The following CHCHD6 variants were observed in gnomAD, a reference collection of about 807,000 sequenced individuals.
The protein encoded by CHCHD6 is MICOS complex subunit MIC25.
CHCHD6 carries 28 observed loss-of-function variants against 32.3 expected under a neutral mutation model. The ratio of observed to expected loss-of-function variants is 0.87; its 90% CI spans 0.64 to 1.19. The LOEUF is 1.19. CHCHD6 is among the 50% of genes most tolerant of loss of function. The pLI is 0.00. For missense variants in CHCHD6, 333 were observed against 307.0 expected (o/e 1.08, Z -0.63); for synonymous variants, 122 against 117.5 (o/e 1.04, Z -0.25).
chr3:126,939,575 C>T lies in CHCHD6; in HGVS notation c.567-17841C>T, dbSNP rs73209638. On this transcript the variant is annotated intron_variant, in intron 6 of 7. Coordinates refer to ENST00000290913, the MANE Select transcript of CHCHD6 (RefSeq NM_032343.3). ...AGCAAAGAAGAATGCCTGTAGATGG[C>T]GTCTGCCATGCAGCCACTGGCTTTG... is the stretch of plus-strand genomic sequence containing the variant. Among the ~76,000 whole-genome samples the T allele has an allele frequency of 7.3e-3, 1,105 of 152,330 alleles. 7 individuals carry two copies. The highest frequency in any genetic ancestry group is 0.012 in the Non-Finnish European group (813 of 68,036).
intron 1 of CHCHD6, among the ~76,000 whole-genome samples, chr3:126,706,961 G>A (rs959523296): frequency 6.6e-6 from 1 of 152,036 alleles, no homozygotes; most frequent in Non-Finnish European, 1.5e-5. Flanking sequence ...AAGTGTTCTC[G>A]TCCCTGTAAG....
intron 4 of CHCHD6, among the ~76,000 whole-genome samples, chr3:126,787,013 G>T (rs1320551156): frequency 8.5e-5 from 13 of 152,308 alleles, no homozygotes; most frequent in South Asian, 2.1e-4. Flanking sequence ...AAGGTGTAAG[G>T]AAAGGATCCA....
intron 5 of CHCHD6, among the ~76,000 whole-genome samples, chr3:126,901,191 T>TACTG (rs1397661565): frequency 6.6e-6 from 1 of 152,230 alleles, no homozygotes; most frequent in African/African-American, 2.4e-5. Flanking sequence ...CTGACTAACT[T>TACTG]ACTGACTGAG....
intron 5 of CHCHD6, among the ~76,000 whole-genome samples, chr3:126,863,421 C>T (rs1292925394): frequency 7.1e-6 from 1 of 141,642 alleles, no homozygotes; most frequent in South Asian, 2.4e-4. Context: ...CCATCATCAC[C>T]TCCTCCTCCT....
intron 5 of CHCHD6, among the ~76,000 whole-genome samples, chr3:126,904,518 G>A (rs901405451): frequency 8.5e-5 from 13 of 152,154 alleles, no homozygotes; most frequent in African/African-American, 1.2e-4. Context: ...ACAGCTATAC[G>A]CTTATCTGTT....
At chr3:126,825,854 G>A (rs1351958852) in intron 4 of CHCHD6, among the ~76,000 whole-genome samples, 2 of 152,024 alleles carry the variant, frequency 1.3e-5, no homozygotes, top group African/African-American at 4.8e-5. Flanking sequence ...ACAACCTGTG[G>A]GTTACCATTT....
Position 126,781,628 on chromosome 3 carries a change from A to G in CHCHD6, c.411+48406A>G, listed in dbSNP as rs185186988. On this transcript the variant is annotated intron_variant, in intron 4 of 7. Transcript: ENST00000290913. Reference sequence around the variant, plus strand: ...CAAGGGCTGCCTTCAGTCTGTAGAAAGATGCTGATCTGGAGAAGATGCTGC... The same window carrying G: ...CAAGGGCTGCCTTCAGTCTGTAGAAGGATGCTGATCTGGAGAAGATGCTGC... Among the ~76,000 whole-genome samples the G allele has an allele frequency of 8.6e-4, 131 of 152,336 alleles. 2 individuals are homozygous for G. The highest frequency in any genetic ancestry group is 8.5e-3 in the Admixed American group (130 of 15,306).
intron 5 of CHCHD6, 71 bp downstream of exon 5, chr3:126,852,801 C>A: frequency 2.8e-6 from 3 of 1,064,310 alleles, no homozygotes; most frequent in Non-Finnish European, 4.3e-6. Flanking sequence ...ACATCACTGT[C>A]ATGGGGGGAG....
intron 4 of CHCHD6, among the ~76,000 whole-genome samples, chr3:126,737,275 C>T (rs1276804915): frequency 4.0e-5 from 6 of 151,758 alleles, no homozygotes; most frequent in African/African-American, 9.7e-5. Context: ...AGCTGAATCG[C>T]GCCATTGCAC....
intron 4 of CHCHD6, among the ~76,000 whole-genome samples, chr3:126,838,248 A>T (rs929086832): frequency 2.6e-5 from 4 of 152,182 alleles, no homozygotes; most frequent in Non-Finnish European, 1.5e-5. Flanking sequence ...ACTCTTGGAA[A>T]ATTTGTATCG....
rs1453600794 is a variant in CHCHD6, at chr3:126,718,245, C to T, written c.88-8833C>T. ...GCTAACTGTTGTTATTATTGATCAA[C>T]TCATGTATTTTTATGTACCCAATAT... is the stretch of plus-strand genomic sequence containing the variant. On this transcript the variant is annotated intron_variant, in intron 1 of 7. Transcript: ENST00000290913. Among the ~76,000 whole-genome samples the T allele has an allele frequency of 2.0e-5, 3 of 152,164 alleles. No homozygotes were observed. In the East Asian group the frequency reaches 5.8e-4, roughly 29 times the overall value.
At chr3:126,921,223 A>G (rs1485000353) in intron 6 of CHCHD6, among the ~76,000 whole-genome samples, 4 of 152,166 alleles carry the variant, frequency 2.6e-5, no homozygotes, top group Non-Finnish European at 5.9e-5. Context: ...CAAGCCCAGC[A>G]TATGTCAAGA....
Position 126,733,093 on chromosome 3 carries a change from T to A in CHCHD6, c.282T>A (p.His94Gln). Residue 94 changes from histidine to glutamine, a missense_variant, in exon 4 of 8, where the codon CAT becomes CAA. Coordinates refer to ENST00000290913, the MANE Select transcript of CHCHD6 (RefSeq NM_032343.3). The part of the protein sequence containing the change: ...KEGVKRYEQE[H>Q]AAIQDKLFQV... ...TTCTGCACAGGTATGAACAGGAGCA[T>A]GCTGCTATCCAGGATAAGCTCTTCC... The A allele has an allele frequency of 6.2e-7, 1 of 1,614,210 alleles. No homozygotes were observed. Among genetic ancestry groups the A allele is most frequent in the East Asian group, 2.2e-5 (1 of 44,888 alleles).
rs184720411 is a variant in CHCHD6 at position 126,774,139 on chromosome 3, A to G, written c.411+40917A>G. 1.3e-3 allele frequency among the ~76,000 whole-genome samples: 204 copies of G among 152,328 alleles called. 1 individual carries two copies. Among genetic ancestry groups the G allele is most frequent in the African/African-American group, 4.8e-3 (198 of 41,580 alleles). On this transcript the variant is annotated intron_variant, in intron 4 of 7. Coordinates refer to ENST00000290913, the MANE Select transcript of CHCHD6 (RefSeq NM_032343.3). The stretch of plus-strand genomic sequence containing the variant: ...AGATATTTTAATAGCATATTTTAAA[A>G]TATAACTTATTGAGGTTTAATGTAT...
intron 4 of CHCHD6, among the ~76,000 whole-genome samples, chr3:126,805,637 T>C (rs904188062): frequency 3.0e-4 from 46 of 152,200 alleles, no homozygotes; most frequent in African/African-American, 1.0e-3. Context: ...CAAGGTAATT[T>C]ATAGATTCAA....
intron 4 of CHCHD6, chr3:126,766,889 C>T: frequency 1.0e-6 from 1 of 1,001,612 alleles, no homozygotes; most frequent in Non-Finnish European, 1.6e-6. Flanking sequence ...GGGACCATCT[C>T]ATCCTGCTCT....
chr3:126,710,181 C>T (rs1014254128), intron 1 of CHCHD6, among the ~76,000 whole-genome samples: 29 of 152,350 alleles, frequency 1.9e-4, no homozygotes, highest in Admixed American at 1.0e-3. Flanking sequence ...CTTATTTCTC[C>T]AGGCTCTGTT....
intron 5 of CHCHD6, among the ~76,000 whole-genome samples, chr3:126,908,964 A>G (rs1056579613): frequency 6.6e-6 from 1 of 152,192 alleles, no homozygotes; most frequent in African/African-American, 2.4e-5. Flanking sequence ...CGGTCTGACC[A>G]CGGCATGCAC....
At chr3:126,862,360 ACCTCCTCCACCACCATCACCACCT>A (rs1941946182) in intron 5 of CHCHD6, among the ~76,000 whole-genome samples, 1 of 74,810 alleles carries the variant, frequency 1.3e-5, no homozygotes, top group African/African-American at 5.6e-5. Context: ...CACTATCACC[ACCTCCTCCACCACCATCACCACCT>A]CCTCCTCCTC....
Sources: gnomAD v4.1 joint callset for allele counts (sites outside exome capture counted in the v4.1 genomes callset) on GRCh38, gnomAD v4.1.1 for gene constraint, MANE v1.5 for transcripts, NCBI Gene and HGNC (gene_info 2026-07-23, HGNC 2026-07-21) for gene names.